The following PTPN14 variants were observed in gnomAD, a reference collection of about 807,000 sequenced individuals.
PTPN14 encodes protein tyrosine phosphatase non-receptor type 14.
A neutral mutation model predicts 126.8 loss-of-function variants in PTPN14; 53 were observed. The ratio of observed to expected loss-of-function variants is 0.42; its 90% CI spans 0.34 to 0.53. PTPN14 has a LOEUF of 0.53. PTPN14 is among the 20% of genes least tolerant of loss of function. The probability of loss-of-function intolerance (pLI) is 0.08; values close to 1 mark genes in which losing one functional copy is unlikely to be tolerated. For synonymous variants in PTPN14, 630 were observed against 599.3 expected, an observed-to-expected ratio of 1.05 and a Z score of -0.75; for missense variants, 1,257 against 1,552.9, an observed-to-expected ratio of 0.81 and a Z score of 3.20.
chr1:214,411,522 T>G (rs112180538), intron 5 of PTPN14, among the ~76,000 whole-genome samples, 162 bp downstream of exon 5: 2,607 of 152,290 alleles, frequency 0.017, 82 homozygotes, highest in African/African-American at 0.059. Flanking sequence ...GAAGGCATTT[T>G]TACCTTCTCA....
In PTPN14 at chr1:214,354,781, T is replaced by A. The variant is rs1436770227; in HGVS notation, c.*3141A>T. On this transcript the variant is annotated 3_prime_UTR_variant, in exon 19 of 19. Transcript: ENST00000366956. ...AGATGGTAACTTTTTTTTCCTCCAT[T>A]TTACATTTTCTCCCTTCAAATCCAA... 1 of 152,214 alleles carries A rather than the reference T, an allele frequency of 6.6e-6. No homozygotes were observed. The highest frequency in any genetic ancestry group is 1.5e-5 in the Non-Finnish European group (1 of 68,044). The allele number at this position is 152,214 out of a possible 1,614,324, so 9.4% of individuals were successfully genotyped here.
In PTPN14 at chr1:214,401,108, C is replaced by T. The variant is rs114339930; in HGVS notation, c.669+577G>A. Among the ~76,000 whole-genome samples, 1,315 of 152,212 alleles carry T rather than the reference C, an allele frequency of 8.6e-3. 12 individuals carry two copies. Among genetic ancestry groups the T allele is most frequent in the African/African-American group, 0.03 (1,249 of 41,530 alleles). ...CTATAAATGACTATGATCCATGACC[C>T]CCCCAACCACACCCACTTCAGGAGG... On this transcript the variant is annotated intron_variant, in intron 7 of 18. Transcript: ENST00000366956.
intron 13 of PTPN14, among the ~76,000 whole-genome samples, chr1:214,382,734 T>C (rs1224219930): frequency 6.6e-6 from 1 of 152,242 alleles, no homozygotes; most frequent in Non-Finnish European, 1.5e-5. Flanking sequence ...CGTATGTGTG[T>C]GAATTTTTGA....
At chr1:214,527,964 A>G (rs1655442548) in intron 1 of PTPN14, among the ~76,000 whole-genome samples, 2 of 152,230 alleles carry the variant, frequency 1.3e-5, no homozygotes, top group Non-Finnish European at 2.9e-5. Flanking sequence ...GCTTCTCTCT[A>G]AAGTCACTCC....
At chr1:214,425,297 T>C (rs1453903837) in intron 3 of PTPN14, among the ~76,000 whole-genome samples, 2 of 152,048 alleles carry the variant, frequency 1.3e-5, no homozygotes, top group African/African-American at 4.8e-5. Context: ...GCCACCCAAA[T>C]AGGTGGCATA....
At chr1:214,508,621 C>T (rs1436633618) in intron 1 of PTPN14, among the ~76,000 whole-genome samples, 1 of 152,156 alleles carries the variant, frequency 6.6e-6, no homozygotes, top group African/African-American at 2.4e-5. Context: ...TTTTAACCTC[C>T]TCTCGTGAAT....
chr1:214,416,563 C>T (rs1051665179), intron 3 of PTPN14, among the ~76,000 whole-genome samples: 2 of 152,142 alleles, frequency 1.3e-5, no homozygotes, highest in African/African-American at 4.8e-5. Context: ...GCAAGGAACA[C>T]CAGGAACATT....
At position 214,376,124 on chromosome 1, in the gene PTPN14, A is replaced by T. The variant is rs1440458339; in HGVS notation, c.2907+95T>A. Reference sequence around the variant, plus strand: ...CCTGAGGGTCTGGGGACAAGCCAAAAGGTACAACTGCAGCCCACACATTTT... The same window carrying T: ...CCTGAGGGTCTGGGGACAAGCCAAATGGTACAACTGCAGCCCACACATTTT... On this transcript the variant is annotated intron_variant, in intron 15 of 18. Transcript: ENST00000366956. 4.7e-5 allele frequency: 56 copies of T among 1,181,814 alleles called. No homozygotes were observed. The East Asian group carries it at 1.3e-3, about 28-fold the overall frequency. 73.2% of individuals were successfully genotyped at this position (1,181,814 alleles called of 1,614,324 possible).
At chr1:214,391,565 A>G (rs1292483411) in intron 10 of PTPN14, among the ~76,000 whole-genome samples, 1 of 152,188 alleles carries the variant, frequency 6.6e-6, no homozygotes, top group African/African-American at 2.4e-5. Context: ...TTCCAGACTA[A>G]GAAGCAACAT....
intron 2 of PTPN14, among the ~76,000 whole-genome samples, chr1:214,457,867 C>G (rs1660416715): frequency 6.6e-6 from 1 of 152,102 alleles, no homozygotes; most frequent in Admixed American, 6.5e-5. Context: ...TTCAAAATAG[C>G]CACATTTCAC....
Position 214,372,852 on chromosome 1 carries a change from A to T in PTPN14, c.2908-13T>A. ...CGCCAACCACCACCTAAAAACCAAG[A>T]AAAGTATCGGTAAATAAACCCCAAG... On this transcript the variant is annotated splice_polypyrimidine_tract_variant and intron_variant, in intron 15 of 18. Coordinates refer to ENST00000366956, the MANE Select transcript of PTPN14 (RefSeq NM_005401.5). The T allele has an allele frequency of 6.2e-7, 1 of 1,613,638 alleles. No homozygotes were observed.
intron 1 of PTPN14, among the ~76,000 whole-genome samples, chr1:214,544,454 A>T (rs2102487116): frequency 6.6e-6 from 1 of 151,124 alleles, no homozygotes; most frequent in Non-Finnish European, 1.5e-5. Flanking sequence ...GAAAAGAACG[A>T]GAAAGAAAAG....
At chr1:214,528,779 A>T (rs1246642222) in intron 1 of PTPN14, 2 of 152,134 alleles carry the variant, frequency 1.3e-5, no homozygotes, top group African/African-American at 4.8e-5. Context: ...AAAAATACAA[A>T]AATTAGCCAG....
chr1:214,488,147 C>G (rs1309318724), intron 1 of PTPN14, among the ~76,000 whole-genome samples: 7 of 152,164 alleles, frequency 4.6e-5, no homozygotes, highest in Admixed American at 4.6e-4. Flanking sequence ...AGCGTCTCCA[C>G]CCAAACTTGA....
chr1:214,491,180 T>G (rs1661243207), intron 1 of PTPN14, among the ~76,000 whole-genome samples: 1 of 152,112 alleles, frequency 6.6e-6, no homozygotes, highest in South Asian at 2.1e-4. Flanking sequence ...TTTAAATCCA[T>G]AGATGATAGT....
intron 5 of PTPN14, among the ~76,000 whole-genome samples, chr1:214,408,879 G>A (rs1015803452): frequency 1.3e-5 from 2 of 152,142 alleles, no homozygotes; most frequent in African/African-American, 4.8e-5. Context: ...GAAAAAAAAA[G>A]AGCCAGCGTG....
intron 4 of PTPN14, among the ~76,000 whole-genome samples, chr1:214,413,735 C>A (rs1659360832): frequency 6.6e-6 from 1 of 152,132 alleles, no homozygotes; most frequent in Admixed American, 6.5e-5. Flanking sequence ...GTGGTGTGAC[C>A]TCAGCTCACT....
chr1:214,408,515 T>C (rs771799355), intron 5 of PTPN14, among the ~76,000 whole-genome samples: 19 of 152,226 alleles, frequency 1.2e-4, no homozygotes, highest in Non-Finnish European at 2.4e-4. Flanking sequence ...TTTTACTCTA[T>C]TGATTCATTC....
chr1:214,547,784 T>C (rs1290780680), intron 1 of PTPN14, among the ~76,000 whole-genome samples: 1 of 152,168 alleles, frequency 6.6e-6, no homozygotes, highest in Admixed American at 6.5e-5. Context: ...TCTGCCCTTC[T>C]AATCTCTCAG....
Sources: allele counts gnomAD v4.1 joint callset (sites outside exome capture counted in the v4.1 genomes callset), GRCh38; gene constraint gnomAD v4.1.1; transcripts MANE v1.5; gene names NCBI Gene and HGNC (gene_info 2026-07-23, HGNC 2026-07-21).